Variants in SYNE1 observed in about 807,000 individuals in gnomAD.
SYNE1 encodes spectrin repeat containing nuclear envelope protein 1, also known as nesprin-1.
In SYNE1, 616 loss-of-function variants were observed where a neutral mutation model predicts 1,111.0. That is an observed-to-expected ratio of 0.55 (90% CI 0.52 to 0.59). The LOEUF is 0.59. Ranked by LOEUF, SYNE1 falls within the 20% of genes least tolerant of loss-of-function variation. SYNE1 has a pLI of 0.00. For missense variants in SYNE1, 10,006 were observed against 10,417.0 expected (o/e 0.96, Z 1.72); for synonymous variants, 3,855 against 3,825.8 (o/e 1.01, Z -0.28).
At position 152,401,214 on chromosome 6, in the gene SYNE1, G is replaced by T. The variant is rs746151147; in HGVS notation, c.6953C>A (p.Thr2318Lys). The T allele has an allele frequency of 1.2e-6, 2 of 1,614,124 alleles. No individual in the cohort carries two copies. The highest frequency in any genetic ancestry group is 4.5e-5 in the East Asian group (2 of 44,874). ...QVEKFINDIT[T>K]WFTKVEESLM... ...CGATTCTTCCACTTTTGTGAACCAT[G>T]TTGTTATGTCATTAATAAACTTCTC... Residue 2318 changes from threonine to lysine, a missense_variant, in exon 47 of 146, where the codon ACA becomes AAA. By Grantham distance (78) the Thr-to-Lys change is moderately conservative. Transcript: ENST00000367255.
At chr6:152,225,680 C>A (rs763125949) in intron 116 of SYNE1, 41 bp downstream of exon 116, 1 of 1,613,844 alleles carries the variant, frequency 6.2e-7, no homozygotes. Context: ...ACAGAGCTGG[C>A]AAACACGGTC....
At chr6:152,502,969 T>A (rs2099037852) in intron 9 of SYNE1, among the ~76,000 whole-genome samples, 1 of 152,158 alleles carries the variant, frequency 6.6e-6, no homozygotes, top group Non-Finnish European at 1.5e-5. Context: ...AAACAGCGTT[T>A]AAGAAAGTAG....
intron 5 of SYNE1, among the ~76,000 whole-genome samples, chr6:152,522,079 T>C (rs79015979): frequency 1.2e-5 from 1 of 84,768 alleles, no homozygotes; most frequent in Non-Finnish European, 3.2e-5. Context: ...TCCTGTTCCA[T>C]TTTTTTTAAC....
rs200370595 is a variant in SYNE1 at position 152,436,030 on chromosome 6, C to A, written c.4221G>T (p.Pro1407=). ...ENLVKEASEI[P]LGPQNKQLLQ... ...GCAGCTGCTTATTTTGGGGCCCAAG[C>A]GGTATCTCTGAAGCTTCCTTTACAA... is the stretch of plus-strand genomic sequence containing the variant. Residue 1407 remains proline (P), a synonymous_variant, in exon 33 of 146, where the codon CCG becomes CCT. Transcript: ENST00000367255. The A allele has an allele frequency of 1.9e-6, 3 of 1,613,978 alleles. No homozygotes were observed. The highest frequency in any genetic ancestry group is 3.3e-5 in the Admixed American group (2 of 59,990).
At chr6:152,480,050 G>C (rs1380554144) in intron 14 of SYNE1, among the ~76,000 whole-genome samples, 1 of 152,166 alleles carries the variant, frequency 6.6e-6, no homozygotes, top group African/African-American at 2.4e-5. Flanking sequence ...TTTAGACCAA[G>C]ATGGGAAGAC....
At chr6:152,301,508 T>C (rs933109251) in intron 92 of SYNE1, among the ~76,000 whole-genome samples, 2 of 152,198 alleles carry the variant, frequency 1.3e-5, no homozygotes, top group East Asian at 1.9e-4. Context: ...CACAACTAAA[T>C]ATATATGCCA....
Position 152,219,133 on chromosome 6 carries a change from T to C in SYNE1, c.21914A>G (p.Glu7305Gly), listed in dbSNP as rs1489294510. The change falls in exon 120 of 146, where the codon GAG becomes GGG. Residue 7305 changes from glutamate to glycine, a missense_variant. Transcript: ENST00000367255. ...TVKDSLFFLHELGEQLKQQVD... is the reference protein window; with the variant it reads ...TVKDSLFFLHGLGEQLKQQVD... Reference sequence around the variant, plus strand: ...TTGTTGCTTCAGTTGCTCTCCCAGCTCATGGAGAAAAAAGAGGGAATCTTT... The same window carrying C: ...TTGTTGCTTCAGTTGCTCTCCCAGCCCATGGAGAAAAAAGAGGGAATCTTT... 6.2e-7 allele frequency: 1 copy of C among 1,613,974 alleles called. No homozygotes were observed. Among genetic ancestry groups the C allele is most frequent in the African/African-American group, 1.3e-5 (1 of 74,920 alleles).
At chr6:152,628,044 C>CAAAAAAAAAAAAAAAAAAAA (rs66815986) in intron 3 of SYNE1, among the ~76,000 whole-genome samples, 4 of 103,362 alleles carry the variant, frequency 3.9e-5, no homozygotes, top group Admixed American at 2.2e-4. Flanking sequence ...CACAAAATTA[C>CAAAAAAAAAAAAAAAAAAAA]AAAAAAAAAA....
chr6:152,277,251 CCTTTTT>C (rs1225507480), intron 98 of SYNE1, among the ~76,000 whole-genome samples: 1 of 146,016 alleles, frequency 6.8e-6, no homozygotes, highest in African/African-American at 2.5e-5. Context: ...CAATCACACT[CCTTTTT>C]CTTTTTCTTT....
intron 135 of SYNE1, 25 bp from the exon 136 acceptor site, chr6:152,149,693 T>C (rs1451681136): frequency 1.2e-6 from 2 of 1,603,248 alleles, no homozygotes; most frequent in African/African-American, 2.7e-5. Context: ...TCTCATGTGA[T>C]TTTGCTATTG....
Position 152,409,576 on chromosome 6 carries a change from T to C in SYNE1, c.6364A>G (p.Lys2122Glu), listed in dbSNP as rs905300730. Reference protein sequence around the residue: ...RTTIKDQEDLKWAFSKHETAK... With the variant: ...RTTIKDQEDLEWAFSKHETAK... ...AATTTTACCTTGGAAAAAGCCCATTTAAGATCCTCCTGATCTTTTATGGTA... is the reference window on the plus strand; with the variant it reads ...AATTTTACCTTGGAAAAAGCCCATTCAAGATCCTCCTGATCTTTTATGGTA... Residue 2122 changes from lysine to glutamate, a missense_variant, in exon 43 of 146, where the codon AAA (lysine) becomes GAA (glutamate). By Grantham distance (56) the Lys-to-Glu change is moderately conservative. Transcript: ENST00000367255. The C allele has an allele frequency of 1.2e-5, 19 of 1,613,692 alleles. No individual in the cohort carries two copies. Among genetic ancestry groups the C allele is most frequent in the Non-Finnish European group, 1.6e-5 (19 of 1,179,964 alleles).
At chr6:152,301,798 A>G (rs942888567) in intron 92 of SYNE1, 71 bp downstream of exon 92, 2 of 1,483,388 alleles carry the variant, frequency 1.3e-6, no homozygotes, top group Non-Finnish European at 1.8e-6. Flanking sequence ...TCAGCCACGG[A>G]GAGGGAACAT....
At chr6:152,415,905 A>C (rs1303935919) in intron 41 of SYNE1, among the ~76,000 whole-genome samples, 1 of 151,994 alleles carries the variant, frequency 6.6e-6, no homozygotes, top group Non-Finnish European at 1.5e-5. Flanking sequence ...GATTTTGCCA[A>C]GGTTAAGGAC....
At chr6:152,280,101 G>A (rs1458810715) in intron 97 of SYNE1, among the ~76,000 whole-genome samples, 3 of 152,140 alleles carry the variant, frequency 2.0e-5, no homozygotes, top group East Asian at 3.9e-4. Flanking sequence ...AAAATGAAGT[G>A]CCCAGACCCA....
chr6:152,155,692 A>C (rs1341063637), intron 132 of SYNE1, among the ~76,000 whole-genome samples: 1 of 152,164 alleles, frequency 6.6e-6, no homozygotes, highest in Non-Finnish European at 1.5e-5. Flanking sequence ...TTATATTTCA[A>C]CTGTTAGGTC....
At chr6:152,411,258 C>T (rs1211663669) in intron 42 of SYNE1, among the ~76,000 whole-genome samples, 1 of 152,134 alleles carries the variant, frequency 6.6e-6, no homozygotes, top group Non-Finnish European at 1.5e-5. Context: ...GTGTTCCACT[C>T]GTTTATATGT....
chr6:152,148,422 C>T lies in SYNE1; in HGVS notation c.24643-44G>A, dbSNP rs1461846540. On this transcript the variant is annotated intron_variant, in intron 136 of 145. Coordinates refer to ENST00000367255, the MANE Select transcript of SYNE1 (RefSeq NM_182961.4). This position sits in a 1 kb window ranked among gnomAD's most constrained non-coding sequence, Gnocchi z 4.1. ...CAACCCTGTCACTGTAGTGGTCAGA[C>T]TAGCTTCTTATCTGGGCCACCTGCC... 6.3e-7 allele frequency: 1 copy of T among 1,589,088 alleles called. No individual in the cohort carries two copies. The highest frequency in any genetic ancestry group is 1.3e-5 in the African/African-American group (1 of 74,270).
intron 3 of SYNE1, among the ~76,000 whole-genome samples, chr6:152,558,295 C>G (rs2099380181): frequency 6.6e-6 from 1 of 152,094 alleles, no homozygotes; most frequent in Non-Finnish European, 1.5e-5. Flanking sequence ...TAAAGTAACT[C>G]CAAAATAGAA....
rs994285578 is a variant in SYNE1, at chr6:152,441,077, T to C, written c.4149+53A>G. On this transcript the variant is annotated intron_variant, in intron 32 of 145. Coordinates refer to ENST00000367255, the MANE Select transcript of SYNE1 (RefSeq NM_182961.4). ...TAATAATGGAGGAGAAATCATTTTGTTTGTTTTGCTTTGTTTTTTCTGAAT... is the reference window on the plus strand; with the variant it reads ...TAATAATGGAGGAGAAATCATTTTGCTTGTTTTGCTTTGTTTTTTCTGAAT... The C allele has an allele frequency of 1.4e-5, 23 of 1,602,184 alleles. No individual in the cohort carries two copies. In the African/African-American group the frequency reaches 2.5e-4, roughly 18 times the overall value.
Sources: allele counts gnomAD v4.1 joint callset (sites outside exome capture counted in the v4.1 genomes callset), GRCh38; gene constraint gnomAD v4.1.1; non-coding constraint Gnocchi (gnomAD v3.1); transcripts MANE v1.5; gene names NCBI Gene and HGNC (gene_info 2026-07-23, HGNC 2026-07-21).